The following EPHX4 variants were observed in gnomAD, a reference collection of about 807,000 sequenced individuals.
The protein encoded by EPHX4 is abhydrolase domain containing 7.
Under a neutral mutation model 44.9 loss-of-function variants are expected in EPHX4, and 31 were observed. The observed-to-expected ratio is 0.69, with a 90% CI of 0.52 to 0.93. The LOEUF is 0.93. Among genes scored for constraint, EPHX4 ranks in the 40% least tolerant of loss-of-function variants. EPHX4 has a pLI of 0.00. For synonymous variants in EPHX4, 151 were observed against 159.7 expected (o/e 0.95, Z 0.41); for missense variants, 373 against 438.1 (o/e 0.85, Z 1.33).
chr1:92,038,394 TG>T (rs1688469429), intron 2 of EPHX4, among the ~76,000 whole-genome samples: 1 of 152,222 alleles, frequency 6.6e-6, no homozygotes, highest in Non-Finnish European at 1.5e-5. Context: ...AGGTTTGAAC[TG>T]GGACAAAAGT....
chr1:92,045,429 A>T (rs912112598), intron 3 of EPHX4, 103 bp from the exon 4 acceptor site: 51 of 1,409,930 alleles, frequency 3.6e-5, no homozygotes, highest in Non-Finnish European at 4.8e-5. Flanking sequence ...TTAGGATAAG[A>T]TAATGAAAAG....
intron 2 of EPHX4, among the ~76,000 whole-genome samples, chr1:92,041,321 T>G (rs980612664): frequency 5.9e-5 from 9 of 152,226 alleles, no homozygotes; most frequent in African/African-American, 1.9e-4. Flanking sequence ...AAGCAGAGGT[T>G]TATCTTAAAT....
At chr1:92,055,874 A>G (rs936590544) in intron 6 of EPHX4, among the ~76,000 whole-genome samples, 2 of 152,138 alleles carry the variant, frequency 1.3e-5, no homozygotes, top group East Asian at 1.9e-4. Context: ...CGTTGTAAGT[A>G]TCTATAAGGA....
intron 1 of EPHX4, among the ~76,000 whole-genome samples, chr1:92,030,793 G>A (rs1035164445): frequency 3.3e-5 from 5 of 152,094 alleles, no homozygotes; most frequent in Non-Finnish European, 7.4e-5. Context: ...GTCTTTGGGA[G>A]TCATGAGTTT....
intron 4 of EPHX4, 134 bp downstream of exon 4, chr1:92,045,794 A>T: frequency 9.5e-6 from 9 of 950,112 alleles, no homozygotes; most frequent in Middle Eastern, 3.2e-4. Context: ...ATGATAGCAC[A>T]TGACAGTGTC....
intron 6 of EPHX4, among the ~76,000 whole-genome samples, chr1:92,059,121 C>G (rs1278444366): frequency 4.6e-5 from 7 of 152,156 alleles, no homozygotes; most frequent in Non-Finnish European, 8.8e-5. Context: ...AAAAGCATTT[C>G]TTTCAAAAAT....
chr1:92,030,056 A>G lies in EPHX4; in HGVS notation c.-24A>G. 6.5e-7 allele frequency: 1 copy of G among 1,542,976 alleles called. No individual in the cohort carries two copies. The highest frequency in any genetic ancestry group is 8.7e-7 in the Non-Finnish European group (1 of 1,145,448). Reference sequence around the variant, plus strand: ...CGCTCACCCGCTCCCGAGGAAGGGCAGTGGGCCCCGCCGCCGCCTCCCAAT... The same window carrying G: ...CGCTCACCCGCTCCCGAGGAAGGGCGGTGGGCCCCGCCGCCGCCTCCCAAT... On this transcript the variant is annotated 5_prime_UTR_variant, in exon 1 of 7. Coordinates refer to ENST00000370383, the MANE Select transcript of EPHX4 (RefSeq NM_173567.5).
chr1:92,052,250 G>A (rs1442326357), intron 5 of EPHX4, among the ~76,000 whole-genome samples: 1 of 152,106 alleles, frequency 6.6e-6, no homozygotes. Flanking sequence ...AATATGAATA[G>A]GCACCAAGAA....
intron 4 of EPHX4, among the ~76,000 whole-genome samples, chr1:92,048,860 C>T (rs1246894437): frequency 6.6e-6 from 1 of 151,958 alleles, no homozygotes; most frequent in Non-Finnish European, 1.5e-5. Flanking sequence ...GCTGGGACTA[C>T]AGGCTTACAC....
intron 2 of EPHX4, among the ~76,000 whole-genome samples, chr1:92,035,216 G>A (rs115795648): frequency 1.3e-5 from 2 of 152,228 alleles, no homozygotes; most frequent in Non-Finnish European, 2.9e-5. Flanking sequence ...AGCTTAATGA[G>A]GTGGTAGATT....
intron 3 of EPHX4, among the ~76,000 whole-genome samples, chr1:92,044,823 AAAAC>A (rs928443598): frequency 2.0e-5 from 3 of 152,190 alleles, no homozygotes; most frequent in Non-Finnish European, 4.4e-5. Flanking sequence ...CATTCAAAAA[AAAAC>A]CAAATAATCT....
At chr1:92,044,370 A>G in intron 3 of EPHX4, among the ~76,000 whole-genome samples, 1 of 152,224 alleles carries the variant, frequency 6.6e-6, no homozygotes, top group African/African-American at 2.4e-5. Context: ...TTTTAGGCAA[A>G]TAATTAATAT....
chr1:92,043,888 C>G (rs768813051), intron 3 of EPHX4: 1 of 152,098 alleles, frequency 6.6e-6, no homozygotes, highest in African/African-American at 2.4e-5. Flanking sequence ...AAGTTTCTAC[C>G]GGCAGCCCAT....
chr1:92,052,745 A>G, intron 6 of EPHX4, 87 bp downstream of exon 6: 5 of 1,203,498 alleles, frequency 4.2e-6, no homozygotes, highest in Non-Finnish European at 5.6e-6. Context: ...TAAGTTCACC[A>G]CTTATCCAAA....
At chr1:92,030,861 G>A (rs1557880395) in intron 1 of EPHX4, among the ~76,000 whole-genome samples, 1 of 152,098 alleles carries the variant, frequency 6.6e-6, no homozygotes, top group South Asian at 2.1e-4. Context: ...TGTGTGTTGT[G>A]GGGAGGAATG....
intron 1 of EPHX4, among the ~76,000 whole-genome samples, chr1:92,031,294 T>G (rs1385931134): frequency 6.6e-6 from 1 of 152,162 alleles, no homozygotes; most frequent in Non-Finnish European, 1.5e-5. Flanking sequence ...GCCCATAACA[T>G]TTAATCCTCC....
At chr1:92,039,877 T>C (rs1490437479) in intron 2 of EPHX4, among the ~76,000 whole-genome samples, 1 of 152,086 alleles carries the variant, frequency 6.6e-6, no homozygotes, top group Non-Finnish European at 1.5e-5. Context: ...TGGTCTCAAA[T>C]TCCTAACCTC....
intron 2 of EPHX4, among the ~76,000 whole-genome samples, chr1:92,042,007 C>G (rs369188206): frequency 6.6e-6 from 1 of 152,132 alleles, no homozygotes; most frequent in African/African-American, 2.4e-5. Context: ...CAAGATCATG[C>G]CATTGCACTC....
At chr1:92,040,342 ATTTTT>A (rs11316919) in intron 2 of EPHX4, among the ~76,000 whole-genome samples, 2 of 121,068 alleles carry the variant, frequency 1.7e-5, no homozygotes, top group Non-Finnish European at 1.7e-5. Flanking sequence ...TACTTAGCAA[ATTTTT>A]TTTTTTTTTT....
Sources: allele counts gnomAD v4.1 joint callset (sites outside exome capture counted in the v4.1 genomes callset), GRCh38; gene constraint gnomAD v4.1.1; transcripts MANE v1.5; gene names NCBI Gene and HGNC (gene_info 2026-07-23, HGNC 2026-07-21).